Variants in SNX29 observed in about 807,000 individuals in gnomAD.
The protein encoded by SNX29 is sorting nexin-29.
In SNX29, 78 loss-of-function variants were observed where a neutral mutation model predicts 102.1. The observed-to-expected ratio is 0.76, with a 90% CI of 0.64 to 0.92. The LOEUF is 0.92. Ranked by LOEUF, SNX29 falls within the 40% of genes least tolerant of loss-of-function variation. SNX29 has a pLI of 0.00. For synonymous variants in SNX29, 580 were observed against 414.5 expected, an observed-to-expected ratio of 1.40 and a Z score of -4.85; for missense variants, 1,280 against 1,061.7, an observed-to-expected ratio of 1.21 and a Z score of -2.86.
At chr16:12,010,604 C>T (rs139009726) in intron 3 of SNX29, among the ~76,000 whole-genome samples, 30 of 152,168 alleles carry the variant, frequency 2.0e-4, no homozygotes, top group African/African-American at 5.1e-4. Context: ...CTAGCCTGGG[C>T]GATGTGAGAC....
chr16:12,211,173 C>T (rs1225632570), intron 14 of SNX29, among the ~76,000 whole-genome samples: 2 of 152,170 alleles, frequency 1.3e-5, no homozygotes, highest in Non-Finnish European at 1.5e-5. Context: ...TGATTGAATA[C>T]TCCTTGAGTA....
chr16:12,171,196 C>T (rs746834561), intron 13 of SNX29, among the ~76,000 whole-genome samples: 1 of 152,122 alleles, frequency 6.6e-6, no homozygotes, highest in Non-Finnish European at 1.5e-5. Flanking sequence ...TGTATTATTC[C>T]TGCTGCTAAT....
At chr16:12,536,736 G>A (rs1046251694) in intron 20 of SNX29, among the ~76,000 whole-genome samples, 1 of 152,184 alleles carries the variant, frequency 6.6e-6, no homozygotes, top group Non-Finnish European at 1.5e-5. Flanking sequence ...TCAACACTTT[G>A]GGAGGTCAAG....
intron 14 of SNX29, among the ~76,000 whole-genome samples, chr16:12,242,369 T>A (rs11865364): frequency 0.78 from 94,178 of 120,944 alleles, 36,383 homozygotes; most frequent in East Asian, 0.9. Flanking sequence ...ATATATATAT[T>A]TTTTTTTTTT....
chr16:12,053,260 G>C, intron 8 of SNX29: 1 of 149,550 alleles, frequency 6.7e-6, no homozygotes. Flanking sequence ...CTCCAGCCTG[G>C]GCAACAAGAG....
At chr16:12,084,277 C>T (rs558099225) in intron 11 of SNX29, among the ~76,000 whole-genome samples, 92 of 152,136 alleles carry the variant, frequency 6.0e-4, no homozygotes, top group Non-Finnish European at 1.2e-3. Context: ...TCATGAGTAG[C>T]TGGGATTACA....
chr16:12,091,801 CAG>C (rs974122402), intron 11 of SNX29, among the ~76,000 whole-genome samples: 1 of 151,128 alleles, frequency 6.6e-6, no homozygotes, highest in African/African-American at 2.4e-5. Context: ...AAAGGGACCC[CAG>C]AGACCTTGTT....
At chr16:12,359,010 T>C (rs992461929) in intron 16 of SNX29, among the ~76,000 whole-genome samples, 17 of 152,220 alleles carry the variant, frequency 1.1e-4, no homozygotes, top group African/African-American at 4.1e-4. Context: ...CTCTAGCAAA[T>C]TAATGGAACC....
intron 18 of SNX29, among the ~76,000 whole-genome samples, chr16:12,460,723 T>A (rs1459032455): frequency 6.6e-6 from 1 of 150,636 alleles, no homozygotes; most frequent in East Asian, 2.0e-4. Context: ...AGTGGTGCGA[T>A]CTCAGCTCAA....
At chr16:12,155,183 A>G (rs1033708227) in intron 13 of SNX29, among the ~76,000 whole-genome samples, 11 of 151,892 alleles carry the variant, frequency 7.2e-5, no homozygotes, top group African/African-American at 2.4e-4. Context: ...TCTTGTTGCT[A>G]CTCTGCAGAC....
intron 14 of SNX29, among the ~76,000 whole-genome samples, chr16:12,251,539 C>T (rs1483536745): frequency 6.6e-6 from 1 of 152,074 alleles, no homozygotes; most frequent in Non-Finnish European, 1.5e-5. Flanking sequence ...CCCGTCTCTA[C>T]TACAAATACA....
intron 14 of SNX29, among the ~76,000 whole-genome samples, chr16:12,224,971 T>C (rs1458258154): frequency 6.6e-6 from 1 of 152,232 alleles, no homozygotes; most frequent in Non-Finnish European, 1.5e-5. Flanking sequence ...ATAGATGCTC[T>C]GCTCTGTTCC....
intron 18 of SNX29, among the ~76,000 whole-genome samples, chr16:12,409,553 C>T (rs545131649): frequency 2.3e-4 from 35 of 151,124 alleles, no homozygotes; most frequent in African/African-American, 6.8e-4. Context: ...CTCAGCCTCC[C>T]GAGTAGCTGG....
At chr16:12,542,172 C>A (rs2077371769) in intron 20 of SNX29, among the ~76,000 whole-genome samples, 1 of 152,160 alleles carries the variant, frequency 6.6e-6, no homozygotes. Flanking sequence ...GGGTGTCAGG[C>A]CCTGTGCTAA....
At chr16:12,561,074 A>G in intron 20 of SNX29, 1 of 224,974 alleles carries the variant, frequency 4.4e-6, no homozygotes, top group Non-Finnish European at 8.9e-6. Context: ...GCCTTGATGG[A>G]TGTCAGCATA....
At chr16:12,461,125 G>A (rs1378969466) in intron 18 of SNX29, among the ~76,000 whole-genome samples, 1 of 152,148 alleles carries the variant, frequency 6.6e-6, no homozygotes, top group Admixed American at 6.5e-5. Flanking sequence ...GCAAATTACT[G>A]AAGGTCATAC....
intron 18 of SNX29, among the ~76,000 whole-genome samples, chr16:12,420,325 C>T (rs1280283483): frequency 2.0e-5 from 3 of 152,234 alleles, no homozygotes; most frequent in African/African-American, 2.4e-5. Flanking sequence ...ATCGAAGACA[C>T]CGTCAAGTGT....
rs1200224145 is a variant in SNX29 at position 12,569,536 on chromosome 16, A to C, written c.*907A>C. The C allele has an allele frequency of 8.6e-6, 2 of 231,548 alleles. No homozygotes were observed. The highest frequency in any genetic ancestry group is 2.2e-5 in the African/African-American group (1 of 45,242). 14.3% of individuals were successfully genotyped at this position (231,548 alleles called of 1,614,324 possible). On this transcript the variant is annotated 3_prime_UTR_variant, in exon 21 of 21. Transcript: ENST00000566228. Reference sequence around the variant, plus strand: ...GCTCCATGACTATGAAGTTGGACCCAGTGTGGACACTTAACAGATCATGTG... The same window carrying C: ...GCTCCATGACTATGAAGTTGGACCCCGTGTGGACACTTAACAGATCATGTG...
chr16:12,135,704 G>A (rs915703475), intron 13 of SNX29: 4 of 985,024 alleles, frequency 4.1e-6, no homozygotes, highest in Admixed American at 4.9e-5. Flanking sequence ...GACTTTTCAT[G>A]TATGTGAGCC....
Sources: gnomAD v4.1 joint callset for allele counts (sites outside exome capture counted in the v4.1 genomes callset) on GRCh38, gnomAD v4.1.1 for gene constraint, MANE v1.5 for transcripts, NCBI Gene and HGNC (gene_info 2026-07-23, HGNC 2026-07-21) for gene names.